Variants in SDK1 observed in about 807,000 individuals in gnomAD.
SDK1 encodes the protein sidekick cell adhesion molecule 1.
SDK1 carries 157 observed loss-of-function variants against 245.5 expected under a neutral mutation model. The observed-to-expected ratio is 0.64, with a 90% CI of 0.56 to 0.73. The LOEUF is 0.73. SDK1 is among the 30% of genes least tolerant of loss of function. The pLI, the probability that SDK1 is intolerant of heterozygous loss-of-function variation, is 0.00. For synonymous variants in SDK1, 1,647 were observed against 1,278.5 expected, an observed-to-expected ratio of 1.29 and a Z score of -6.15; for missense variants, 3,583 against 3,002.3, an observed-to-expected ratio of 1.19 and a Z score of -4.52.
chr7:3,384,236 T>A (rs117574229), intron 1 of SDK1, among the ~76,000 whole-genome samples: 1 of 152,208 alleles, frequency 6.6e-6, no homozygotes, highest in Non-Finnish European at 1.5e-5. Flanking sequence ...TCTTCCAGTA[T>A]TTTTTATGTA....
At chr7:3,593,066 T>C (rs2128636139) in intron 1 of SDK1, among the ~76,000 whole-genome samples, 1 of 152,274 alleles carries the variant, frequency 6.6e-6, no homozygotes, top group Non-Finnish European at 1.5e-5. Flanking sequence ...CAGAAGAGAA[T>C]TTTGCCTCTG....
At chr7:4,241,500 A>T (rs1470674314) in intron 42 of SDK1, among the ~76,000 whole-genome samples, 1 of 152,304 alleles carries the variant, frequency 6.6e-6, no homozygotes, top group Non-Finnish European at 1.5e-5. Flanking sequence ...AATCAAAAAA[A>T]GTTTATGCAT....
chr7:4,261,334 G>C (rs1032945841), intron 44 of SDK1, among the ~76,000 whole-genome samples: 5 of 152,148 alleles, frequency 3.3e-5, no homozygotes, highest in African/African-American at 1.2e-4. Context: ...TTGTTTTCCT[G>C]GGTCTCAGTG....
chr7:3,994,004 T>C (rs1784529603), intron 14 of SDK1, among the ~76,000 whole-genome samples: 1 of 152,190 alleles, frequency 6.6e-6, no homozygotes, highest in African/African-American at 2.4e-5. Context: ...TCATTCTTCC[T>C]TCTTATTTTC....
intron 17 of SDK1, among the ~76,000 whole-genome samples, chr7:4,023,305 C>T (rs899260244): frequency 3.3e-5 from 5 of 152,078 alleles, no homozygotes; most frequent in African/African-American, 1.2e-4. Context: ...GACTCCATGA[C>T]CTTTTCAGCT....
At chr7:4,146,171 T>A (rs1779961836) in intron 29 of SDK1, among the ~76,000 whole-genome samples, 1 of 150,524 alleles carries the variant, frequency 6.6e-6, no homozygotes, top group Non-Finnish European at 1.5e-5. Context: ...ACCTTCAGCC[T>A]CACACCTGCT....
At position 3,560,503 on chromosome 7, in the gene SDK1, C is replaced by A. The variant is rs186259229; in HGVS notation, c.299-58577C>A. Among the ~76,000 whole-genome samples the A allele has an allele frequency of 3.3e-3, 496 of 152,166 alleles. 1 individual carries two copies. The highest frequency in any genetic ancestry group is 5.0e-3 in the Admixed American group (76 of 15,288). ...CTTGAGAATATATCTGGAATTTGGT[C>A]ATTTTTAACCATTCCTACTACTGCT... On this transcript the variant is annotated intron_variant, in intron 1 of 44. Transcript: ENST00000404826.
intron 30 of SDK1, 38 bp from the exon 31 acceptor site, chr7:4,158,410 G>A: frequency 6.5e-7 from 1 of 1,532,134 alleles, no homozygotes; most frequent in Non-Finnish European, 9.0e-7. Context: ...GGACAGGGTG[G>A]CAGGGCCCCG....
chr7:3,522,183 C>A (rs1782961765), intron 1 of SDK1, among the ~76,000 whole-genome samples: 1 of 151,826 alleles, frequency 6.6e-6, no homozygotes, highest in African/African-American at 2.4e-5. Flanking sequence ...TGGTGTTAAT[C>A]AGAATGATGC....
At chr7:4,029,141 G>A (rs986401191) in intron 17 of SDK1, among the ~76,000 whole-genome samples, 1 of 120,320 alleles carries the variant, frequency 8.3e-6, no homozygotes, top group African/African-American at 3.3e-5. Flanking sequence ...TCCGAGGGGG[G>A]TGGGGGTCAC....
intron 4 of SDK1, among the ~76,000 whole-genome samples, chr7:3,760,279 T>C (rs1470041403): frequency 1.3e-5 from 2 of 152,226 alleles, no homozygotes; most frequent in Non-Finnish European, 2.9e-5. Flanking sequence ...TCATGGTATT[T>C]CAGATGACCA....
intron 7 of SDK1, among the ~76,000 whole-genome samples, chr7:3,952,846 C>G (rs912791787): frequency 6.6e-6 from 1 of 152,122 alleles, no homozygotes; most frequent in Admixed American, 6.6e-5. Flanking sequence ...TGTACAGTGG[C>G]TAAGAAAATA....
intron 1 of SDK1, among the ~76,000 whole-genome samples, chr7:3,422,972 C>T (rs972478202): frequency 1.3e-5 from 2 of 152,126 alleles, no homozygotes; most frequent in African/African-American, 4.8e-5. Context: ...ATTTATATAC[C>T]TGTAGAATGT....
intron 4 of SDK1, among the ~76,000 whole-genome samples, chr7:3,820,840 A>G (rs1369382389): frequency 6.6e-6 from 1 of 152,220 alleles, no homozygotes; most frequent in African/African-American, 2.4e-5. Flanking sequence ...ACGATCAAGA[A>G]GACTGTTTAC....
Position 4,136,481 on chromosome 7 carries a change from TGCATTTCCAAAAGAGATTAACA to T in SDK1, c.4228+4061_4228+4082del, listed in dbSNP as rs1779100448. On this transcript the variant is annotated intron_variant, in intron 28 of 44. Coordinates refer to ENST00000404826, the MANE Select transcript of SDK1 (RefSeq NM_152744.4). The stretch of plus-strand genomic sequence containing the variant: ...TGTAATCTATATCAAAACATGTTCT[TGCATTTCCAAAAGAGATTAACA>T]GCGTGAACCACAGCAGGCACCTAGA... Among the ~76,000 whole-genome samples, 3 of 152,232 alleles carry T rather than the reference TGCATTTCCAAAAGAGATTAACA, an allele frequency of 2.0e-5. No homozygotes were observed. In the South Asian group the frequency reaches 6.2e-4, roughly 32 times the overall value.
intron 1 of SDK1, among the ~76,000 whole-genome samples, chr7:3,578,919 C>T (rs1299621816): frequency 1.3e-5 from 2 of 151,880 alleles, no homozygotes; most frequent in Admixed American, 6.6e-5. Flanking sequence ...TGACATACAT[C>T]CTCAGTTTAT....
intron 28 of SDK1, among the ~76,000 whole-genome samples, chr7:4,139,194 TCCTGGAGTGAC>T (rs1779299548): frequency 6.6e-6 from 1 of 152,194 alleles, no homozygotes; most frequent in African/African-American, 2.4e-5. Flanking sequence ...ACCCCCCATT[TCCTGGAGTGAC>T]CTCCCAAATC....
chr7:3,615,018 T>C (rs1781723224), intron 1 of SDK1, among the ~76,000 whole-genome samples: 1 of 151,690 alleles, frequency 6.6e-6, no homozygotes, highest in Non-Finnish European at 1.5e-5. Flanking sequence ...AGTTGTAGTA[T>C]CATTTTAATT....
intron 1 of SDK1, among the ~76,000 whole-genome samples, chr7:3,531,264 G>A (rs1783335206): frequency 6.6e-6 from 1 of 152,080 alleles, no homozygotes; most frequent in Admixed American, 6.5e-5. Flanking sequence ...ATCTTTATCT[G>A]TACGCTATGC....
Sources: gnomAD v4.1 joint callset for allele counts (sites outside exome capture counted in the v4.1 genomes callset) on GRCh38, gnomAD v4.1.1 for gene constraint, MANE v1.5 for transcripts, NCBI Gene and HGNC (gene_info 2026-07-23, HGNC 2026-07-21) for gene names.